FGF14: variants seen among roughly 807,000 people sequenced by gnomAD.
The protein encoded by FGF14 is fibroblast growth factor 14.
Under a neutral mutation model 25.5 loss-of-function variants are expected in FGF14, and 5 were observed. The observed-to-expected ratio is 0.20, with a 90% CI of 0.10 to 0.41. The LOEUF is 0.41. Among genes scored for constraint, FGF14 ranks in the 10% least tolerant of loss-of-function variants. FGF14 has a pLI of 1.00. For synonymous variants in FGF14, 138 were observed against 118.3 expected (o/e 1.17, Z -1.08); for missense variants, 222 against 320.1 (o/e 0.69, Z 2.34).
intron 1 of FGF14, among the ~76,000 whole-genome samples, chr13:102,100,407 T>C (rs2044603654): frequency 6.6e-6 from 1 of 152,088 alleles, no homozygotes; most frequent in Non-Finnish European, 1.5e-5. Flanking sequence ...AAGGAGTTAA[T>C]TGCTTGAGGC....
chr13:102,332,439 A>T (rs2056661673), intron 1 of FGF14, among the ~76,000 whole-genome samples: 1 of 152,116 alleles, frequency 6.6e-6, no homozygotes, highest in Admixed American at 6.6e-5. Flanking sequence ...ATCATCAGAG[A>T]TTTTATTAAC....
chr13:101,984,379 A>G (rs2038443705), intron 1 of FGF14, among the ~76,000 whole-genome samples: 1 of 152,166 alleles, frequency 6.6e-6, no homozygotes, highest in African/African-American at 2.4e-5. Flanking sequence ...AACAATATTG[A>G]TAAATCAAGT....
intron 1 of FGF14, among the ~76,000 whole-genome samples, chr13:101,936,115 G>T (rs1383681645): frequency 6.6e-6 from 1 of 152,120 alleles, no homozygotes; most frequent in Admixed American, 6.5e-5. Flanking sequence ...TAATCCTTGA[G>T]ACAATTTTAT....
At chr13:102,343,137 G>A (rs1296895799) in intron 1 of FGF14, among the ~76,000 whole-genome samples, 1 of 152,098 alleles carries the variant, frequency 6.6e-6, no homozygotes, top group Admixed American at 6.6e-5. Flanking sequence ...GTCATGCAGG[G>A]CCTATCCACG....
chr13:102,280,148 C>G (rs1307634208), intron 1 of FGF14, among the ~76,000 whole-genome samples: 1 of 152,136 alleles, frequency 6.6e-6, no homozygotes, highest in Non-Finnish European at 1.5e-5. Context: ...AATAACAGTA[C>G]CTTCTCAGAC....
intron 3 of FGF14, among the ~76,000 whole-genome samples, chr13:101,853,935 C>T (rs1315936098): frequency 6.6e-6 from 1 of 152,062 alleles, no homozygotes; most frequent in Non-Finnish European, 1.5e-5. Context: ...AAAATTATTA[C>T]ATGCATTGAC....
chr13:102,274,958 T>C (rs1429224359), intron 1 of FGF14, among the ~76,000 whole-genome samples: 1 of 151,724 alleles, frequency 6.6e-6, no homozygotes, highest in Non-Finnish European at 1.5e-5. Flanking sequence ...CGTAATAGCA[T>C]TCAACATGGT....
chr13:102,263,884 C>T (rs2052847326), intron 1 of FGF14, among the ~76,000 whole-genome samples: 1 of 152,046 alleles, frequency 6.6e-6, no homozygotes, highest in Non-Finnish European at 1.5e-5. Context: ...AGTTGAGTGT[C>T]ATTTAGGGGC....
intron 1 of FGF14, among the ~76,000 whole-genome samples, chr13:102,186,312 T>C (rs1667483962): frequency 6.6e-6 from 1 of 152,154 alleles, no homozygotes; most frequent in Non-Finnish European, 1.5e-5. Context: ...AGTTTTCTTT[T>C]TGTTTTCAAA....
chr13:102,317,776 G>A (rs1482976867), intron 1 of FGF14, among the ~76,000 whole-genome samples: 1 of 151,992 alleles, frequency 6.6e-6, no homozygotes, highest in East Asian at 1.9e-4. Flanking sequence ...TTGCCTGCTT[G>A]GCCTTCTGTT....
chr13:101,748,055 C>T (rs993883376), intron 3 of FGF14, among the ~76,000 whole-genome samples: 34 of 151,866 alleles, frequency 2.2e-4, no homozygotes, highest in African/African-American at 3.6e-4. Flanking sequence ...GAAAACAGTA[C>T]GGAGATATCT....
At chr13:102,114,887 T>A (rs2045395228) in intron 1 of FGF14, among the ~76,000 whole-genome samples, 1 of 152,132 alleles carries the variant, frequency 6.6e-6, no homozygotes, top group African/African-American at 2.4e-5. Context: ...GATGAATAGC[T>A]CCAGAGATTG....
chr13:101,849,002 G>A (rs996800749), intron 3 of FGF14, among the ~76,000 whole-genome samples: 10 of 151,762 alleles, frequency 6.6e-5, no homozygotes, highest in Admixed American at 3.3e-4. Flanking sequence ...TTACTTTCTC[G>A]CTCATTTTTT....
intron 1 of FGF14, among the ~76,000 whole-genome samples, chr13:101,884,880 C>T (rs2045913968): frequency 6.6e-6 from 1 of 152,178 alleles, no homozygotes; most frequent in African/African-American, 2.4e-5. Context: ...CACACACACA[C>T]ACACACACAC....
Position 101,718,885 on chromosome 13 carries a change from T to C in FGF14, c.*3946A>G, listed in dbSNP as rs2034821119. 6.6e-6 allele frequency: 1 copy of C among 152,090 alleles called. No individual in the cohort carries two copies. The highest frequency in any genetic ancestry group is 1.5e-5 in the Non-Finnish European group (1 of 68,010). The allele number at this position is 152,090 out of a possible 1,614,324, so 9.4% of individuals were successfully genotyped here. A position where few individuals can be genotyped will look rare whatever the true frequency, so the allele number is the denominator to read the frequency against. On this transcript the variant is annotated 3_prime_UTR_variant, in exon 5 of 5. Coordinates refer to ENST00000376143, the MANE Select transcript of FGF14 (RefSeq NM_004115.4). ...TTCAAGAGAGTCAACAGGCCCTATG[T>C]CACATTGTAGGCTAAGAAACCTCAG...
At chr13:102,315,692 G>A (rs1171650952) in intron 1 of FGF14, among the ~76,000 whole-genome samples, 1 of 152,082 alleles carries the variant, frequency 6.6e-6, no homozygotes, top group Admixed American at 6.5e-5. Flanking sequence ...GGAATTTTCT[G>A]TCCCAAATAT....
intron 1 of FGF14, among the ~76,000 whole-genome samples, chr13:102,376,381 A>T (rs533188450): frequency 9.9e-5 from 15 of 152,280 alleles, no homozygotes; most frequent in African/African-American, 3.1e-4. Context: ...TCCTTTATAA[A>T]TTACCCAGTC....
At chr13:102,377,535 G>A (rs916074841) in intron 1 of FGF14, among the ~76,000 whole-genome samples, 25 of 152,224 alleles carry the variant, frequency 1.6e-4, no homozygotes, top group Middle Eastern at 3.4e-3. Context: ...AGGGCCAGGC[G>A]CAGTGGCTCA....
At chr13:102,238,269 C>G (rs1436353723) in intron 1 of FGF14, among the ~76,000 whole-genome samples, 1 of 152,146 alleles carries the variant, frequency 6.6e-6, no homozygotes, top group Non-Finnish European at 1.5e-5. Flanking sequence ...ACAAATGCCA[C>G]AATTCAAAAT....
Sources: gnomAD v4.1 joint callset for allele counts (sites outside exome capture counted in the v4.1 genomes callset) on GRCh38, gnomAD v4.1.1 for gene constraint, MANE v1.5 for transcripts, NCBI Gene and HGNC (gene_info 2026-07-23, HGNC 2026-07-21) for gene names.